FAT3: variants seen among roughly 807,000 people sequenced by gnomAD.
FAT3 encodes FAT atypical cadherin 3, also known as protocadherin Fat 3.
A neutral mutation model predicts 310.2 loss-of-function variants in FAT3; 95 were observed. The ratio of observed to expected loss-of-function variants is 0.31; its 90% CI spans 0.26 to 0.36. FAT3 has a LOEUF of 0.36. FAT3 is among the 10% of genes least tolerant of loss of function. The probability of loss-of-function intolerance (pLI) is 1.00; values close to 1 mark genes in which losing one functional copy is unlikely to be tolerated. For synonymous variants in FAT3, 2,314 were observed against 2,192.9 expected (o/e 1.06, Z -1.54); for missense variants, 5,408 against 5,715.6 (o/e 0.95, Z 1.74).
chr11:92,562,531 A>G (rs1955267222), intron 3 of FAT3, among the ~76,000 whole-genome samples: 1 of 152,180 alleles, frequency 6.6e-6, no homozygotes, highest in South Asian at 2.1e-4. Context: ...AATGAATAGT[A>G]TATATATGAG....
intron 24 of FAT3, among the ~76,000 whole-genome samples, chr11:92,886,633 C>A (rs1949803417): frequency 6.6e-6 from 1 of 152,200 alleles, no homozygotes; most frequent in African/African-American, 2.4e-5. Flanking sequence ...GGTGTTGACA[C>A]CTCATCAGTT....
chr11:92,418,377 T>G (rs978329880), intron 2 of FAT3, among the ~76,000 whole-genome samples: 1 of 149,046 alleles, frequency 6.7e-6, no homozygotes. Flanking sequence ...TATTTAGGAA[T>G]AATTACAACA....
chr11:92,789,861 G>A, intron 7 of FAT3, 82 bp from the exon 8 acceptor site: 1 of 1,438,408 alleles, frequency 7.0e-7, no homozygotes, highest in Non-Finnish European at 9.6e-7. Context: ...GGGGAAGCGG[G>A]GAGAAAAAGA....
chr11:92,568,355 A>G (rs971317032), intron 3 of FAT3, among the ~76,000 whole-genome samples: 5 of 151,434 alleles, frequency 3.3e-5, no homozygotes, highest in East Asian at 2.0e-4. Context: ...ACCAGGTGCA[A>G]TATTTGTAGT....
chr11:92,645,490 G>GGA (rs553082246), intron 3 of FAT3, among the ~76,000 whole-genome samples: 6 of 140,690 alleles, frequency 4.3e-5, no homozygotes, highest in Non-Finnish European at 9.3e-5. Context: ...CTGCTTTTCA[G>GGA]AAAAAAAAAA....
intron 3 of FAT3, among the ~76,000 whole-genome samples, chr11:92,590,104 G>A (rs1939351993): frequency 1.3e-5 from 2 of 152,058 alleles, no homozygotes; most frequent in African/African-American, 4.8e-5. Context: ...TAGAATTCAA[G>A]TTCTATGCGT....
chr11:92,297,211 G>T (rs913803941), intron 1 of FAT3, among the ~76,000 whole-genome samples: 2 of 152,022 alleles, frequency 1.3e-5, no homozygotes, highest in Non-Finnish European at 2.9e-5. Context: ...CCTCCAGTCA[G>T]CTTCAAGATC....
chr11:92,352,295 C>T lies in FAT3; in HGVS notation c.183C>T (p.Tyr61=), dbSNP rs571950614. 2.8e-5 allele frequency: 42 copies of T among 1,497,630 alleles called. No individual in the cohort carries two copies. The highest frequency in any genetic ancestry group is 5.3e-5 in the Admixed American group (3 of 56,350). 92.8% of individuals were successfully genotyped at this position (1,497,630 alleles called of 1,614,324 possible). ...ATGAGAACTCAGCAGCAAGGACCTA[C>T]GTCAACAGCCAGAGTAGAATGGGCA... The part of the protein sequence containing the change: ...TVYENSAART[Y]VNSQSRMGIT... Residue 61 remains tyrosine (Y), a synonymous_variant, in exon 2 of 28, where the codon TAC becomes TAT. Transcript: ENST00000525166.
intron 3 of FAT3, among the ~76,000 whole-genome samples, chr11:92,674,476 T>C (rs1202916434): frequency 1.3e-5 from 2 of 152,016 alleles, no homozygotes; most frequent in Non-Finnish European, 2.9e-5. Context: ...ACCCTGCTTA[T>C]TGGTTCTGAA....
At chr11:92,613,034 C>A (rs947674192) in intron 3 of FAT3, among the ~76,000 whole-genome samples, 1 of 152,134 alleles carries the variant, frequency 6.6e-6, no homozygotes, top group Non-Finnish European at 1.5e-5. Flanking sequence ...CTTTTTCTAC[C>A]TCACTGAAAA....
intron 2 of FAT3, among the ~76,000 whole-genome samples, chr11:92,364,664 C>G (rs542601380): frequency 2.6e-5 from 4 of 152,112 alleles, no homozygotes. Flanking sequence ...CATGTCTTAT[C>G]GACAGACAGA....
At chr11:92,436,093 G>GT (rs1337437064) in intron 2 of FAT3, among the ~76,000 whole-genome samples, 3 of 151,938 alleles carry the variant, frequency 2.0e-5, no homozygotes, top group Admixed American at 6.6e-5. Flanking sequence ...TCTTTAGGTT[G>GT]TTTTTTATTT....
chr11:92,531,470 A>G (rs927363579), intron 3 of FAT3, among the ~76,000 whole-genome samples: 10 of 151,758 alleles, frequency 6.6e-5, no homozygotes, highest in African/African-American at 2.4e-4. Flanking sequence ...GGCATGGGAG[A>G]GTGTGGTGTA....
At chr11:92,445,038 C>T (rs1051702398) in intron 2 of FAT3, among the ~76,000 whole-genome samples, 1 of 152,068 alleles carries the variant, frequency 6.6e-6, no homozygotes. Flanking sequence ...TGCTCAGGCA[C>T]AGGATATGAA....
intron 13 of FAT3, among the ~76,000 whole-genome samples, chr11:92,827,745 G>C (rs940807486): frequency 2.6e-5 from 4 of 152,092 alleles, no homozygotes; most frequent in African/African-American, 9.7e-5. Context: ...CTAGGAATTT[G>C]TATGTGCTAT....
chr11:92,789,922 C>G (rs1399779539), intron 7 of FAT3, 21 bp from the exon 8 acceptor site: 1 of 1,610,122 alleles, frequency 6.2e-7, no homozygotes, highest in East Asian at 2.2e-5. Context: ...AGTCATCATT[C>G]TTTTCTTCTT....
In FAT3 at chr11:92,800,315, A is replaced by T; in HGVS notation, c.7302A>T (p.Leu2434Phe). ...SDFDRLEYSI[L>F]SGNDRTSFLM... ...TTGACCGGTTGGAATATAGCATTTT[A>T]TCTGGGAATGACCGGACGAGCTTTC... is the stretch of plus-strand genomic sequence containing the variant. The change falls in exon 10 of 28, where the codon TTA becomes TTT. Residue 2434 changes from leucine to phenylalanine, a missense_variant. Leu to Phe is a conservative substitution (Grantham distance 22). Around this residue, in one of 5 missense-constraint regions of FAT3, gnomAD observed 4,588 missense variants for 4,809.8 expected, o/e 0.95. Coordinates refer to ENST00000525166, the MANE Select transcript of FAT3 (RefSeq NM_001367949.2). 1 of 1,613,926 alleles carries T rather than the reference A, an allele frequency of 6.2e-7. No homozygotes were observed. The highest frequency in any genetic ancestry group is 8.5e-7 in the Non-Finnish European group (1 of 1,179,828).
intron 1 of FAT3, among the ~76,000 whole-genome samples, chr11:92,281,959 G>T (rs1300284383): frequency 1.3e-5 from 2 of 151,930 alleles, no homozygotes; most frequent in East Asian, 3.9e-4. Context: ...AGACTAGAGT[G>T]CAGTGGTGTG....
chr11:92,786,577 C>CA (rs139708341), intron 7 of FAT3, among the ~76,000 whole-genome samples: 5,987 of 151,944 alleles, frequency 0.039, 161 homozygotes, highest in Non-Finnish European at 0.058. Flanking sequence ...ATCAGATTGG[C>CA]AAAAAATCTA....
Sources: gnomAD v4.1 joint callset for allele counts (sites outside exome capture counted in the v4.1 genomes callset) on GRCh38, gnomAD v4.1.1 for gene constraint, gnomAD v4.1.1 regional missense constraint, MANE v1.5 for transcripts, NCBI Gene and HGNC (gene_info 2026-07-23, HGNC 2026-07-21) for gene names.